EPHA4: variants seen among roughly 807,000 people sequenced by gnomAD.
EPHA4 encodes ephrin type-A receptor 4.
In EPHA4, 19 loss-of-function variants were observed where a neutral mutation model predicts 108.3. The observed-to-expected ratio is 0.18, with a 90% CI of 0.12 to 0.26. EPHA4 has a LOEUF of 0.26. Ranked by LOEUF, EPHA4 falls within the 10% of genes least tolerant of loss-of-function variation. The pLI is 1.00. For missense variants in EPHA4, 917 were observed against 1,254.0 expected, an observed-to-expected ratio of 0.73 and a Z score of 4.06; for synonymous variants, 449 against 455.5, an observed-to-expected ratio of 0.99 and a Z score of 0.18.
intron 3 of EPHA4, among the ~76,000 whole-genome samples, chr2:221,528,179 T>C (rs1693399975): frequency 6.6e-6 from 1 of 152,206 alleles, no homozygotes; most frequent in Non-Finnish European, 1.5e-5. Context: ...AAAAGTCTGA[T>C]AAGCGTCTCT....
intron 3 of EPHA4, among the ~76,000 whole-genome samples, chr2:221,521,852 C>T (rs746358626): frequency 2.6e-5 from 4 of 152,164 alleles, no homozygotes; most frequent in Non-Finnish European, 5.9e-5. Flanking sequence ...TGGCACACGC[C>T]TGTAGTCCCA....
At position 221,570,086 on chromosome 2, in the gene EPHA4, T is replaced by C. The variant is rs1694780982; in HGVS notation, c.92-1301A>G. Among the ~76,000 whole-genome samples, 5 of 149,426 alleles carry C rather than the reference T, an allele frequency of 3.3e-5. No homozygotes were observed. The South Asian group carries it at 1.1e-3, about 31-fold the overall frequency. On this transcript the variant is annotated intron_variant, in intron 1 of 17. Coordinates refer to ENST00000281821, the MANE Select transcript of EPHA4 (RefSeq NM_004438.5). Reference sequence around the variant, plus strand: ...TACATCCATTTGGATTTATGTAAGGTGGATTAGGGACACAAAGGAAACAAT... The same window carrying C: ...TACATCCATTTGGATTTATGTAAGGCGGATTAGGGACACAAAGGAAACAAT...
intron 5 of EPHA4, among the ~76,000 whole-genome samples, chr2:221,465,571 C>T (rs1691282597): frequency 6.6e-6 from 1 of 152,178 alleles, no homozygotes; most frequent in African/African-American, 2.4e-5. Context: ...AGACTACCTT[C>T]CTAGATTCCT....
chr2:221,434,333 C>A (rs746972446), intron 13 of EPHA4, 42 bp from the exon 14 acceptor site: 6 of 1,595,424 alleles, frequency 3.8e-6, no homozygotes. Context: ...AAGTACATCA[C>A]TGATGTGCCA....
At chr2:221,427,277 G>T (rs1373124758) in intron 15 of EPHA4, among the ~76,000 whole-genome samples, 3 of 152,132 alleles carry the variant, frequency 2.0e-5, no homozygotes, top group African/African-American at 7.2e-5. Flanking sequence ...TGTGCTTCTC[G>T]TATTCCCTTG....
intron 5 of EPHA4, among the ~76,000 whole-genome samples, chr2:221,469,571 A>G (rs1016577073): frequency 4.6e-5 from 7 of 152,172 alleles, no homozygotes; most frequent in African/African-American, 9.7e-5. Flanking sequence ...TTGGCTTTCA[A>G]TGGAGCCTGA....
chr2:221,553,822 A>G (rs560208852), intron 3 of EPHA4, among the ~76,000 whole-genome samples: 1 of 152,336 alleles, frequency 6.6e-6, no homozygotes, highest in Non-Finnish European at 1.5e-5. Context: ...TATTGTTTAC[A>G]TTGCCATTTG....
At chr2:221,541,634 A>G (rs1272787625) in intron 3 of EPHA4, among the ~76,000 whole-genome samples, 1 of 152,214 alleles carries the variant, frequency 6.6e-6, no homozygotes, top group African/African-American at 2.4e-5. Flanking sequence ...GCAAAACAGA[A>G]ATGCAATCTA....
chr2:221,543,200 G>GCAT (rs1359786921), intron 3 of EPHA4, among the ~76,000 whole-genome samples: 2 of 152,182 alleles, frequency 1.3e-5, no homozygotes, highest in African/African-American at 4.8e-5. Context: ...ATTATTGAAA[G>GCAT]CATCAAACTG....
chr2:221,517,406 C>G (rs1270335164), intron 3 of EPHA4, among the ~76,000 whole-genome samples: 3 of 152,132 alleles, frequency 2.0e-5, no homozygotes, highest in Non-Finnish European at 4.4e-5. Context: ...TTTTTATTCT[C>G]AGTCTGGCAA....
chr2:221,420,766 A>G (rs1323100173), intron 17 of EPHA4, among the ~76,000 whole-genome samples: 3 of 152,192 alleles, frequency 2.0e-5, no homozygotes, highest in Non-Finnish European at 4.4e-5. Flanking sequence ...GCTTAATTAC[A>G]ACTCCGAGAT....
chr2:221,495,541 T>C (rs547996487), intron 4 of EPHA4, among the ~76,000 whole-genome samples: 23 of 152,350 alleles, frequency 1.5e-4, no homozygotes, highest in African/African-American at 5.3e-4. Flanking sequence ...CTGTTCTAAA[T>C]AGTTATGGGC....
chr2:221,556,348 G>A (rs545330465), intron 3 of EPHA4, among the ~76,000 whole-genome samples: 2 of 152,200 alleles, frequency 1.3e-5, no homozygotes, highest in Admixed American at 6.5e-5. Flanking sequence ...CCAGGCTGGA[G>A]TGCAGTGGTG....
intron 4 of EPHA4, among the ~76,000 whole-genome samples, chr2:221,498,790 C>CT (rs757231773): frequency 0.026 from 3,580 of 135,430 alleles, 82 homozygotes; most frequent in South Asian, 0.085. Context: ...TTTTTTTTTT[C>CT]TTTTTTTTTT....
rs182305698 is a variant in EPHA4, at chr2:221,431,116, T to C, written c.2497-965A>G. 1.9e-3 allele frequency among the ~76,000 whole-genome samples: 291 copies of C among 152,374 alleles called. 5 individuals are homozygous for C. Among genetic ancestry groups the C allele is most frequent in the Non-Finnish European group, 2.5e-4 (17 of 68,042 alleles). ...AATATGGTAGGACATGCCAAATTTA[T>C]AGAGGAGAACTACTTCACAGTTTTT... On this transcript the variant is annotated intron_variant, in intron 14 of 17. Coordinates refer to ENST00000281821, the MANE Select transcript of EPHA4 (RefSeq NM_004438.5).
chr2:221,451,813 T>A (rs1359298946), intron 8 of EPHA4, among the ~76,000 whole-genome samples: 1 of 152,196 alleles, frequency 6.6e-6, no homozygotes, highest in South Asian at 2.1e-4. Flanking sequence ...TCATTTTAGG[T>A]ATTTTATAAA....
At chr2:221,505,576 G>A (rs533654928) in intron 3 of EPHA4, among the ~76,000 whole-genome samples, 44 of 152,138 alleles carry the variant, frequency 2.9e-4, no homozygotes, top group Admixed American at 7.9e-4. Context: ...CGCCCGCCTC[G>A]GCCTCCCAAA....
At chr2:221,441,544 A>T (rs1690428985) in intron 11 of EPHA4, among the ~76,000 whole-genome samples, 1 of 152,034 alleles carries the variant, frequency 6.6e-6, no homozygotes, top group African/African-American at 2.4e-5. Flanking sequence ...TTCTTCCTGG[A>T]CACCAGACAG....
At chr2:221,443,347 C>A in intron 10 of EPHA4, 146 bp downstream of exon 10, 1 of 600,690 alleles carries the variant, frequency 1.7e-6, no homozygotes, top group Non-Finnish European at 2.9e-6. Flanking sequence ...TTCTTTATAA[C>A]ACATGATATT....
Sources: allele counts gnomAD v4.1 joint callset (sites outside exome capture counted in the v4.1 genomes callset), GRCh38; gene constraint gnomAD v4.1.1; transcripts MANE v1.5; gene names NCBI Gene and HGNC (gene_info 2026-07-23, HGNC 2026-07-21).